ADAM21: variants seen among roughly 807,000 people sequenced by gnomAD.
The protein encoded by ADAM21 is disintegrin and metalloproteinase domain-containing protein 21.
For missense variants in ADAM21, 678 were observed against 874.4 expected (o/e 0.78, Z 2.83); for synonymous variants, 262 against 306.0 (o/e 0.86, Z 1.50).
intron 1 of ADAM21, among the ~76,000 whole-genome samples, chr14:70,457,137 CTATT>C (rs1418070186): frequency 3.3e-5 from 5 of 152,184 alleles, no homozygotes; most frequent in African/African-American, 1.2e-4. Context: ...ACTGAGATAA[CTATT>C]TAAGTACCCA....
chr14:70,459,660 T>C lies in ADAM21; in HGVS notation c.2161T>C (p.Ser721Pro). Residue 721 changes from serine (S) to proline (P), a missense_variant, in exon 2 of 2, where the codon TCA becomes CCA. Coordinates refer to ENST00000603540, the MANE Select transcript of ADAM21 (RefSeq NM_003813.4). ...SGPKETKAHS[S>P]G is the part of the protein sequence containing the mutation. ...TCCCAAAGAAACTAAGGCTCATTCATCAGGTTAAGAAAATGTCTCTAACTT... is the reference window on the plus strand; with the variant it reads ...TCCCAAAGAAACTAAGGCTCATTCACCAGGTTAAGAAAATGTCTCTAACTT... 6.2e-7 allele frequency: 1 copy of C among 1,613,782 alleles called. No homozygotes were observed. The highest frequency in any genetic ancestry group is 8.5e-7 in the Non-Finnish European group (1 of 1,179,812).
Position 70,458,324 on chromosome 14 carries a change from C to G in ADAM21, c.825C>G (p.Val275=), listed in dbSNP as rs1171437001. The change falls in exon 2 of 2, where the codon GTC becomes GTG. Residue 275 remains valine, a synonymous_variant. Coordinates refer to ENST00000603540, the MANE Select transcript of ADAM21 (RefSeq NM_003813.4). The part of the protein sequence containing the change: ...NVFPMTSIEQ[V]LNDFSQWKQI... ...TCCCAATGACAAGCATAGAACAGGT[C>G]CTGAACGATTTCTCTCAATGGAAAC... The G allele has an allele frequency of 6.2e-7, 1 of 1,614,000 alleles. No homozygotes were observed. The highest frequency in any genetic ancestry group is 1.3e-5 in the African/African-American group (1 of 74,936).
At position 70,454,932 on chromosome 14, in the gene ADAM21, C is replaced by G. The variant is rs200428281; in HGVS notation, c.-151-2417C>G. 2.4e-4 allele frequency among the ~76,000 whole-genome samples: 37 copies of G among 152,238 alleles called. No individual in the cohort carries two copies. The East Asian group carries it at 5.2e-3, about 21-fold the overall frequency. ...ATTGCAGGATAAATGATTTGGTGTT[C>G]ATGTTGTGGGCTGTGGAGAACAGGA... is the stretch of plus-strand genomic sequence containing the variant. On this transcript the variant is annotated intron_variant, in intron 1 of 1. Transcript: ENST00000603540.
In ADAM21 at chr14:70,459,655, A is replaced by C; in HGVS notation, c.2156A>C (p.His719Pro). ...TCTGGTCCCAAAGAAACTAAGGCTC[A>C]TTCATCAGGTTAAGAAAATGTCTCT... ...QCSGPKETKAHSSG is the reference protein window; with the variant it reads ...QCSGPKETKAPSSG Residue 719 changes from histidine (H) to proline (P), a missense_variant, in exon 2 of 2, where the codon CAT becomes CCT. Transcript: ENST00000603540. 6.2e-7 allele frequency: 1 copy of C among 1,613,840 alleles called. No homozygotes were observed. Among genetic ancestry groups the C allele is most frequent in the South Asian group, 1.1e-5 (1 of 91,080 alleles).
rs753120923 is a variant in ADAM21 at position 70,459,739 on chromosome 14, A to T, written c.*71A>T. 13 of 1,541,252 alleles carry T rather than the reference A, an allele frequency of 8.4e-6. No individual in the cohort carries two copies. Among genetic ancestry groups the T allele is most frequent in the South Asian group, 3.7e-5 (3 of 81,142 alleles). On this transcript the variant is annotated 3_prime_UTR_variant, in exon 2 of 2. Coordinates refer to ENST00000603540, the MANE Select transcript of ADAM21 (RefSeq NM_003813.4). Reference sequence around the variant, plus strand: ...CTCTTGGCAGTAGAAACATTAGTACATCCCTGAAACTGAGCACATTTCTGA... The same window carrying T: ...CTCTTGGCAGTAGAAACATTAGTACTTCCCTGAAACTGAGCACATTTCTGA...
rs778910236 is a variant in ADAM21, at chr14:70,458,316, G to C, written c.817G>C (p.Glu273Gln). 1 of 1,614,088 alleles carries C rather than the reference G, an allele frequency of 6.2e-7. No individual in the cohort carries two copies. Among genetic ancestry groups the C allele is most frequent in the Non-Finnish European group, 8.5e-7 (1 of 1,180,032 alleles). The change falls in exon 2 of 2, where the codon GAA (glutamate) becomes CAA (glutamine). Residue 273 changes from glutamate (E) to glutamine (Q), a missense_variant. Coordinates refer to ENST00000603540, the MANE Select transcript of ADAM21 (RefSeq NM_003813.4). ...QGNVFPMTSI[E>Q]QVLNDFSQWK... is the part of the protein sequence containing the mutation. ...AAATGTTTTCCCAATGACAAGCATA[G>C]AACAGGTCCTGAACGATTTCTCTCA...
At chr14:70,455,741 G>A in intron 1 of ADAM21, among the ~76,000 whole-genome samples, 1 of 152,040 alleles carries the variant, frequency 6.6e-6, no homozygotes, top group East Asian at 1.9e-4. Context: ...AATTCATTTT[G>A]TATTATTAAT....
intron 1 of ADAM21, among the ~76,000 whole-genome samples, chr14:70,455,290 C>T (rs1889089139): frequency 6.6e-6 from 1 of 152,064 alleles, no homozygotes; most frequent in Non-Finnish European, 1.5e-5. Context: ...CTGTGTAAGT[C>T]CTCTTAGATT....
In ADAM21 at chr14:70,457,417, T is replaced by C. The variant is rs1165904408; in HGVS notation, c.-83T>C. 9.4e-6 allele frequency: 15 copies of C among 1,588,914 alleles called. No individual in the cohort carries two copies. Among genetic ancestry groups the C allele is most frequent in the Non-Finnish European group, 1.3e-5 (15 of 1,164,230 alleles). On this transcript the variant is annotated 5_prime_UTR_variant, in exon 2 of 2. Transcript: ENST00000603540. ...GGTCAGCCCTGCATCCTGAGCAGCTTAGAGGGAGAAGCCAGACCAGCAGTG... is the reference window on the plus strand; with the variant it reads ...GGTCAGCCCTGCATCCTGAGCAGCTCAGAGGGAGAAGCCAGACCAGCAGTG...
At chr14:70,453,382 A>G (rs927489440) in intron 1 of ADAM21, 1 of 152,224 alleles carries the variant, frequency 6.6e-6, no homozygotes, top group Non-Finnish European at 1.5e-5. Flanking sequence ...TTTATCAAAC[A>G]TGCAGAAGAG....
In ADAM21 at chr14:70,459,328, G is replaced by T. The variant is rs766269833; in HGVS notation, c.1829G>T (p.Gly610Val). 3 of 1,614,196 alleles carry T rather than the reference G, an allele frequency of 1.9e-6. No homozygotes were observed. Among genetic ancestry groups the T allele is most frequent in the East Asian group, 2.2e-5 (1 of 44,886 alleles). Residue 610 changes from glycine to valine, a missense_variant, in exon 2 of 2, where the codon GGT becomes GTT. Transcript: ENST00000603540. ...TCTGACATTGGTGAAGTGAAAGATG[G>T]TACTGTGTGTGGCCCAGGAAAGATC... ...NISDIGEVKD[G>V]TVCGPGKICI... is the part of the protein sequence containing the mutation.
At position 70,458,660 on chromosome 14, in the gene ADAM21, C is replaced by T. The variant is rs1433429972; in HGVS notation, c.1161C>T (p.Thr387=). 2 of 1,613,890 alleles carry T rather than the reference C, an allele frequency of 1.2e-6. No homozygotes were observed. The highest frequency in any genetic ancestry group is 1.7e-6 in the Non-Finnish European group (2 of 1,179,982). Residue 387 remains threonine, a synonymous_variant, in exon 2 of 2, where the codon ACC becomes ACT. Coordinates refer to ENST00000603540, the MANE Select transcript of ADAM21 (RefSeq NM_003813.4). ...NCSYADFMKT[T]LNQGSCLHNP... is the part of the protein sequence containing the mutation. ...GTTACGCTGATTTTATGAAGACCAC[C>T]TTAAACCAGGGATCATGTCTGCATA...
chr14:70,457,102 T>G (rs896562627), intron 1 of ADAM21, among the ~76,000 whole-genome samples: 9 of 152,236 alleles, frequency 5.9e-5, no homozygotes, highest in African/African-American at 2.2e-4. Context: ...CTTTTTATTA[T>G]GGACATTCCA....
At chr14:70,452,358 AT>A (rs199799848) in intron 1 of ADAM21, 95 bp downstream of exon 1, 10 of 152,896 alleles carry the variant, frequency 6.5e-5, no homozygotes, top group Admixed American at 1.3e-4. Context: ...TTTTGTTTTC[AT>A]TTTTTTTGTT....
At position 70,458,593 on chromosome 14, in the gene ADAM21, T is replaced by G; in HGVS notation, c.1094T>G (p.Met365Arg). 6.2e-7 allele frequency: 1 copy of G among 1,612,860 alleles called. No homozygotes were observed. The highest frequency in any genetic ancestry group is 2.2e-5 in the East Asian group (1 of 44,848). ...TTTTGTGGGGAAAGAGGTTGCATCA[T>G]GAATACTTTTAGAGTGCCAGCAGAG... ...FCFCGERGCI[M>R]NTFRVPAEKF... Residue 365 changes from methionine to arginine, a missense_variant, in exon 2 of 2, where the codon ATG becomes AGG. Met to Arg is a moderately conservative substitution (Grantham distance 91, BLOSUM62 -1). Transcript: ENST00000603540.
rs760869717 is a variant in ADAM21, at chr14:70,458,826, G to A, written c.1327G>A (p.Gly443Arg). 1 of 1,614,152 alleles carries A rather than the reference G, an allele frequency of 6.2e-7. No homozygotes were observed. The highest frequency in any genetic ancestry group is 1.7e-5 in the Admixed American group (1 of 60,014). Residue 443 changes from glycine (G) to arginine (R), a missense_variant, in exon 2 of 2, where the codon GGG becomes AGG. Physicochemically the swap from Gly to Arg is moderately radical, Grantham distance 125. Transcript: ENST00000603540. ...TCTGTTGAACTGCACTCTAAGGCCT[G>A]GGGCTGCCTGTGCTTTTGGGCTTTG... ...CCLLNCTLRPGAACAFGLCCK... is the reference protein window; with the variant it reads ...CCLLNCTLRPRAACAFGLCCK...
At chr14:70,454,178 T>C (rs1889075223) in intron 1 of ADAM21, among the ~76,000 whole-genome samples, 1 of 152,194 alleles carries the variant, frequency 6.6e-6, no homozygotes, top group Admixed American at 6.5e-5. Context: ...CAATATGGCA[T>C]AGGAAGTTTT....
rs1251209074 is a variant in ADAM21, at chr14:70,452,245, A to G, written c.-170A>G. 1 of 152,230 alleles carries G rather than the reference A, an allele frequency of 6.6e-6. No homozygotes were observed. The highest frequency in any genetic ancestry group is 1.5e-5 in the Non-Finnish European group (1 of 68,056). The allele number at this position is 152,230 out of a possible 1,614,324, so 9.4% of individuals were successfully genotyped here. ...CATCTAGACAGAAATGGCCATGGAA[A>G]CTACTGTTTCTTCTGATGGTAAGTC... On this transcript the variant is annotated 5_prime_UTR_variant, in exon 1 of 2. Coordinates refer to ENST00000603540, the MANE Select transcript of ADAM21 (RefSeq NM_003813.4).
At chr14:70,456,715 C>G (rs1882415842) in intron 1 of ADAM21, among the ~76,000 whole-genome samples, 1 of 151,998 alleles carries the variant, frequency 6.6e-6, no homozygotes, top group African/African-American at 2.4e-5. Flanking sequence ...ACTTATAATC[C>G]AAGACATTTT....
Sources: allele counts gnomAD v4.1 joint callset (sites outside exome capture counted in the v4.1 genomes callset), GRCh38; gene constraint gnomAD v4.1.1; transcripts MANE v1.5; gene names NCBI Gene and HGNC (gene_info 2026-07-23, HGNC 2026-07-21).